Variants in ATP1B3 observed in about 807,000 individuals in gnomAD.
ATP1B3 encodes sodium/potassium-transporting ATPase subunit beta-3.
Under a neutral mutation model 30.2 loss-of-function variants are expected in ATP1B3, and 10 were observed. That is an observed-to-expected ratio of 0.33 (90% CI 0.20 to 0.56). The LOEUF is 0.56. Among genes scored for constraint, ATP1B3 ranks in the 20% least tolerant of loss-of-function variants. The probability of loss-of-function intolerance (pLI) is 0.90; values close to 1 mark genes in which losing one functional copy is unlikely to be tolerated. For missense variants in ATP1B3, 238 were observed against 336.7 expected, an observed-to-expected ratio of 0.71 and a Z score of 2.29; for synonymous variants, 113 against 117.0, an observed-to-expected ratio of 0.97 and a Z score of 0.22.
rs568096840 is a variant in ATP1B3 at position 141,905,979 on chromosome 3, A to G, written c.239-1188A>G. 7.6e-4 allele frequency among the ~76,000 whole-genome samples: 116 copies of G among 151,950 alleles called. 1 individual carries two copies. Among genetic ancestry groups the G allele is most frequent in the African/African-American group, 2.8e-3 (115 of 41,502 alleles). On this transcript the variant is annotated intron_variant, in intron 2 of 6. Coordinates refer to ENST00000286371, the MANE Select transcript of ATP1B3 (RefSeq NM_001679.4). ...AATACATATATATTACATATGGGACATATTAAACATTTCCTTATTTAATAT... is the reference window on the plus strand; with the variant it reads ...AATACATATATATTACATATGGGACGTATTAAACATTTCCTTATTTAATAT...
Position 141,924,205 on chromosome 3 carries a change from G to A in ATP1B3, c.670-1326G>A, listed in dbSNP as rs192105843. On this transcript the variant is annotated intron_variant, in intron 6 of 6. Coordinates refer to ENST00000286371, the MANE Select transcript of ATP1B3 (RefSeq NM_001679.4). Reference sequence around the variant, plus strand: ...CTAAAAATACAAAAATTAGCTGACCGTGGTGGCACACTCCTGTAATCCCAG... The same window carrying A: ...CTAAAAATACAAAAATTAGCTGACCATGGTGGCACACTCCTGTAATCCCAG... Among the ~76,000 whole-genome samples the A allele has an allele frequency of 1.1e-4, 16 of 151,922 alleles. No individual in the cohort carries two copies. The East Asian group carries it at 3.1e-3, about 30-fold the overall frequency.
At chr3:141,908,044 ATCTT>A (rs1404746462) in intron 3 of ATP1B3, among the ~76,000 whole-genome samples, 2 of 141,682 alleles carry the variant, frequency 1.4e-5, no homozygotes, top group African/African-American at 5.2e-5. Flanking sequence ...AGAAGGAAGA[ATCTT>A]TTTTTTTGTG....
intron 6 of ATP1B3, among the ~76,000 whole-genome samples, chr3:141,922,614 C>G (rs1934584669): frequency 1.3e-5 from 2 of 150,604 alleles, no homozygotes; most frequent in Non-Finnish European, 2.9e-5. Flanking sequence ...GATTGTACCA[C>G]CACACTCCAG....
intron 1 of ATP1B3, among the ~76,000 whole-genome samples, chr3:141,890,086 C>CTTTTTTTTTTTTTTTT (rs1245235657): frequency 1.9e-5 from 2 of 107,550 alleles, no homozygotes; most frequent in African/African-American, 7.5e-5. Context: ...AATTTTTTTT[C>CTTTTTTTTTTTTTTTT]TTTTTTTTTT....
intron 5 of ATP1B3, among the ~76,000 whole-genome samples, chr3:141,919,675 T>C (rs1354096305): frequency 6.6e-6 from 1 of 152,148 alleles, no homozygotes; most frequent in African/African-American, 2.4e-5. Flanking sequence ...GCGGTGGCTT[T>C]CACCTGTAAT....
chr3:141,885,031 T>C (rs776863283), intron 1 of ATP1B3, among the ~76,000 whole-genome samples: 22 of 152,170 alleles, frequency 1.4e-4, no homozygotes, highest in Admixed American at 3.3e-4. Flanking sequence ...TAACTAACTT[T>C]CATACCAGAT....
At position 141,908,231 on chromosome 3, in the gene ATP1B3, C is replaced by T. The variant is rs530568326; in HGVS notation, c.346+957C>T. ...TAATACATCCGTTTTTCAAAGTTAC[C>T]AGTTTGTAACGCTCTTTGATAGCCA... On this transcript the variant is annotated intron_variant, in intron 3 of 6. Coordinates refer to ENST00000286371, the MANE Select transcript of ATP1B3 (RefSeq NM_001679.4). Among the ~76,000 whole-genome samples, 4 of 151,958 alleles carry T rather than the reference C, an allele frequency of 2.6e-5. No homozygotes were observed. The East Asian group carries it at 7.7e-4, about 29-fold the overall frequency.
At chr3:141,916,992 C>G (rs1934476260) in intron 5 of ATP1B3, among the ~76,000 whole-genome samples, 6 of 151,236 alleles carry the variant, frequency 4.0e-5, no homozygotes, top group Admixed American at 4.0e-4. Flanking sequence ...TCCTGAGTAG[C>G]TGGGACTACA....
chr3:141,902,072 T>G, intron 1 of ATP1B3: 1 of 1,208,918 alleles, frequency 8.3e-7, no homozygotes. Flanking sequence ...TTCTGTGTGT[T>G]TCATTTCCCT....
At chr3:141,876,969 G>A (rs959892451) in intron 1 of ATP1B3, 59 bp downstream of exon 1, 2 of 1,365,538 alleles carry the variant, frequency 1.5e-6, no homozygotes, top group Non-Finnish European at 2.0e-6. Flanking sequence ...CGCCGGGCGC[G>A]GTCTGGTGGG....
intron 6 of ATP1B3, among the ~76,000 whole-genome samples, chr3:141,922,808 T>C (rs899454972): frequency 1.5e-5 from 2 of 136,830 alleles, no homozygotes; most frequent in African/African-American, 5.6e-5. Flanking sequence ...TACTAAAAAT[T>C]ACAAAAAATT....
chr3:141,900,478 T>C (rs1336363279), intron 1 of ATP1B3, among the ~76,000 whole-genome samples: 2 of 152,182 alleles, frequency 1.3e-5, no homozygotes, highest in East Asian at 1.9e-4. Flanking sequence ...ATAATAAAAC[T>C]GAAATCCTAA....
intron 3 of ATP1B3, among the ~76,000 whole-genome samples, chr3:141,913,339 C>T (rs1934398203): frequency 6.6e-6 from 1 of 152,162 alleles, no homozygotes; most frequent in African/African-American, 2.4e-5. Context: ...TTTACATCCT[C>T]TCCATTGTAT....
chr3:141,906,051 A>G (rs1309847762), intron 2 of ATP1B3, among the ~76,000 whole-genome samples: 3 of 151,576 alleles, frequency 2.0e-5, no homozygotes, highest in African/African-American at 7.3e-5. Context: ...TATGTGTTGT[A>G]TATTATATAC....
At chr3:141,903,553 C>G in intron 1 of ATP1B3, 67 bp from the exon 2 acceptor site, 1 of 1,594,280 alleles carries the variant, frequency 6.3e-7, no homozygotes, top group Non-Finnish European at 8.6e-7. Flanking sequence ...TGTTTTTTAA[C>G]CTGGCCAAAC....
intron 1 of ATP1B3, among the ~76,000 whole-genome samples, chr3:141,895,718 T>C (rs976827957): frequency 4.6e-5 from 7 of 152,232 alleles, no homozygotes; most frequent in Non-Finnish European, 7.3e-5. Flanking sequence ...TGGGTAAATA[T>C]CTAGAAGTAG....
At chr3:141,902,749 A>C (rs1934187563) in intron 1 of ATP1B3, among the ~76,000 whole-genome samples, 1 of 152,084 alleles carries the variant, frequency 6.6e-6, no homozygotes, top group Admixed American at 6.5e-5. Context: ...TCCATTGATC[A>C]GAGGGCTTGT....
intron 5 of ATP1B3, chr3:141,918,340 G>T (rs902245398): frequency 6.6e-6 from 1 of 152,292 alleles, no homozygotes; most frequent in African/African-American, 2.4e-5. Context: ...GGAGTGCTGG[G>T]TCTACAAAGC....
intron 1 of ATP1B3, among the ~76,000 whole-genome samples, chr3:141,894,799 A>C (rs1934030406): frequency 6.6e-6 from 1 of 152,218 alleles, no homozygotes; most frequent in African/African-American, 2.4e-5. Context: ...TAACTTTGTA[A>C]GTAGAAGGAG....
Sources: allele counts gnomAD v4.1 joint callset (sites outside exome capture counted in the v4.1 genomes callset), GRCh38; gene constraint gnomAD v4.1.1; transcripts MANE v1.5; gene names NCBI Gene and HGNC (gene_info 2026-07-23, HGNC 2026-07-21).